Variants in PEX10 observed in about 807,000 individuals in gnomAD.
PEX10 encodes peroxisomal biogenesis factor 10, also known as peroxisome biogenesis factor 10.
A neutral mutation model predicts 38.0 loss-of-function variants in PEX10; 32 were observed. The ratio of observed to expected loss-of-function variants is 0.84; its 90% CI spans 0.63 to 1.13. The LOEUF is 1.13. PEX10 is among the 50% of genes most tolerant of loss of function. The pLI is 0.00. For missense variants in PEX10, 483 were observed against 457.7 expected (o/e 1.06, Z -0.51); for synonymous variants, 206 against 207.3 (o/e 0.99, Z 0.05).
Position 2,406,835 on chromosome 1 carries a change from C to G in PEX10, c.661G>C (p.Gly221Arg). The change falls in exon 4 of 6, where the codon GGG (glycine) becomes CGG (arginine). Residue 221 changes from glycine to arginine, a missense_variant. Coordinates refer to ENST00000447513, the MANE Select transcript of PEX10 (RefSeq NM_002617.4). ...ACCAGGTGCAGCAGTGAGATGACCC[C>G]CAGCAGCCTGTAGCTAACACGGGCC... is the stretch of plus-strand genomic sequence containing the variant. ...LRARVSYRLL[G>R]VISLLHLVLS... is the part of the protein sequence containing the mutation. The G allele has an allele frequency of 6.2e-7, 1 of 1,610,896 alleles. No individual in the cohort carries two copies. Among genetic ancestry groups the G allele is most frequent in the Non-Finnish European group, 8.5e-7 (1 of 1,178,958 alleles).
Position 2,405,677 on chromosome 1 carries a change from C to G in PEX10, c.*89G>C, listed in dbSNP as rs1008513977. On this transcript the variant is annotated 3_prime_UTR_variant, in exon 6 of 6. Transcript: ENST00000447513. The stretch of plus-strand genomic sequence containing the variant: ...CAAAAAACTGAGAGTGTTCTAACTT[C>G]TGTGCAAGCAAGGTTAATCCTGAGA... The G allele has an allele frequency of 8.5e-7, 1 of 1,173,838 alleles. No homozygotes were observed. The highest frequency in any genetic ancestry group is 1.2e-6 in the Non-Finnish European group (1 of 805,850). The allele number at this position is 1,173,838 out of a possible 1,614,324, so 72.7% of individuals were successfully genotyped here.
chr1:2,412,489 GC>G lies in PEX10; in HGVS notation c.13del (p.Ala5ProfsTer7), dbSNP rs988921821. On this transcript the variant is annotated frameshift_variant, in exon 1 of 6. Coordinates refer to ENST00000447513, the MANE Select transcript of PEX10 (RefSeq NM_002617.4). LOFTEE classifies it high-confidence loss of function. MAPA[A>X]ASPPEVIRAA... Reference sequence around the variant, plus strand: ...GCGGATCACCTCCGGGGGGCTGGCGGCGGCCGGGGCCATGGCCGCGGGTTCG... The same window carrying G: ...GCGGATCACCTCCGGGGGGCTGGCGGGGCCGGGGCCATGGCCGCGGGTTCG... The G allele has an allele frequency of 3.6e-6, 5 of 1,375,086 alleles. No individual in the cohort carries two copies. The highest frequency in any genetic ancestry group is 3.3e-5 in the Admixed American group (1 of 30,342). 85.2% of individuals were successfully genotyped at this position (1,375,086 alleles called of 1,614,324 possible).
intron 1 of PEX10, among the ~76,000 whole-genome samples, chr1:2,411,209 C>A (rs569825475): frequency 2.0e-5 from 3 of 150,214 alleles, no homozygotes; most frequent in East Asian, 2.0e-4. Flanking sequence ...GCCCCACCCC[C>A]CAAAGACTTG....
At position 2,410,098 on chromosome 1, in the gene PEX10, A is replaced by G. The variant is rs1037782674; in HGVS notation, c.193+273T>C. ...AGCACTGTGACTCACTGGTGCCACC[A>G]GGGCTGGCCACTGAGAAATGGGTCT... On this transcript the variant is annotated intron_variant, in intron 2 of 5. Coordinates refer to ENST00000447513, the MANE Select transcript of PEX10 (RefSeq NM_002617.4). The surrounding 1 kb of genome is among the most constrained non-coding windows in gnomAD (Gnocchi z 5.1). The G allele has an allele frequency of 2.6e-5, 12 of 454,950 alleles. No homozygotes were observed. Among genetic ancestry groups the G allele is most frequent in the Non-Finnish European group, 4.5e-5 (11 of 244,178 alleles). 28.2% of individuals were successfully genotyped at this position (454,950 alleles called of 1,614,324 possible).
intron 5 of PEX10, 49 bp from the exon 6 acceptor site, chr1:2,405,883 G>A: frequency 2.8e-6 from 4 of 1,414,758 alleles, no homozygotes; most frequent in Non-Finnish European, 3.9e-6. Context: ...ACTGGGCCAT[G>A]CCCATCCCCA....
At chr1:2,412,615 A>C, upstream of PEX10, 2 of 867,028 alleles carry the variant, frequency 2.3e-6, no homozygotes, top group African/African-American at 3.7e-5. Context: ...CCTCTGCGTC[A>C]AGGTGCTGGG....
intron 2 of PEX10, 34 bp from the exon 3 acceptor site, chr1:2,408,892 G>T (rs1306001466): frequency 1.2e-6 from 2 of 1,608,872 alleles, no homozygotes; most frequent in Non-Finnish European, 1.7e-6. Flanking sequence ...TGGACCCTGA[G>T]ACTGCTGCCG....
In PEX10 at chr1:2,410,791, A is replaced by C; in HGVS notation, c.113-340T>G. 1 of 479,086 alleles carries C rather than the reference A, an allele frequency of 2.1e-6. No homozygotes were observed. The highest frequency in any genetic ancestry group is 1.5e-5 in the South Asian group (1 of 64,778). The allele number at this position is 479,086 out of a possible 1,614,324, so 29.7% of individuals were successfully genotyped here. A position where few individuals can be genotyped will look rare whatever the true frequency, so the allele number is the denominator to read the frequency against. ...CCAGAGGCCAACTGTCTAGCATCAA[A>C]AAGCAGCTCTCCAACTTGCTGGCTG... On this transcript the variant is annotated intron_variant, in intron 1 of 5. Transcript: ENST00000447513. The surrounding 1 kb of genome is among the most constrained non-coding windows in gnomAD (Gnocchi z 5.1).
In PEX10 at chr1:2,410,390, A is replaced by G. The variant is rs1225738785; in HGVS notation, c.174T>C (p.Phe58=). The G allele has an allele frequency of 6.2e-7, 1 of 1,614,020 alleles. No individual in the cohort carries two copies. Among genetic ancestry groups the G allele is most frequent in the East Asian group, 2.2e-5 (1 of 44,876 alleles). ...EVELLSDVAY[F]GLTTLAGYQT... Reference sequence around the variant, plus strand: ...TTCTACCTGCAAGTGTGGTGAGGCCAAAGTAGGCCACATCTGAGAGCAGCT... The same window carrying G: ...TTCTACCTGCAAGTGTGGTGAGGCCGAAGTAGGCCACATCTGAGAGCAGCT... Residue 58 remains phenylalanine (F), a synonymous_variant, in exon 2 of 6, where the codon TTT becomes TTC. Transcript: ENST00000447513. The surrounding 1 kb of genome is among the most constrained non-coding windows in gnomAD (Gnocchi z 5.1).
At chr1:2,411,663 T>C (rs777156669) in intron 1 of PEX10, among the ~76,000 whole-genome samples, 2 of 152,054 alleles carry the variant, frequency 1.3e-5, no homozygotes, top group African/African-American at 4.8e-5. Context: ...CTCAGCCTCC[T>C]GAAGAGCTGG....
chr1:2,413,332 G>T (rs951243278), upstream of PEX10, among the ~76,000 whole-genome samples: 9 of 152,370 alleles, frequency 5.9e-5, no homozygotes, highest in East Asian at 1.7e-3. Flanking sequence ...AGCCCCGCAG[G>T]TGCTCTGGGG....
chr1:2,412,368 G>A (rs1643268844), intron 1 of PEX10, 23 bp downstream of exon 1: 1 of 1,356,906 alleles, frequency 7.4e-7, no homozygotes, highest in Non-Finnish European at 9.4e-7. Flanking sequence ...TCGCGAGGAC[G>A]TCCGGCCGCG....
At chr1:2,405,868 G>A (rs1395232529) in intron 5 of PEX10, 34 bp from the exon 6 acceptor site, 1 of 1,514,852 alleles carries the variant, frequency 6.6e-7, no homozygotes, top group South Asian at 1.2e-5. Context: ...ACAGCAGCTG[G>A]GGCCACTGGG....
In PEX10 at chr1:2,405,818, C is replaced by A; in HGVS notation, c.929G>T (p.Cys310Phe). Residue 310 changes from cysteine (C) to phenylalanine (F), a missense_variant, in exon 6 of 6, where the codon TGC (cysteine) becomes TTC (phenylalanine). By Grantham distance (205) the Cys-to-Phe change is radical. Coordinates refer to ENST00000447513, the MANE Select transcript of PEX10 (RefSeq NM_002617.4). ...CTTCTGGGGAGGGAACTTCTCCCGG[C>A]AGAGGGGACACTCCGCCTGCGGAGA... ...WCSSKAECPL[C>F]REKFPPQKLI... 1 of 1,598,810 alleles carries A rather than the reference C, an allele frequency of 6.3e-7. No homozygotes were observed. The highest frequency in any genetic ancestry group is 8.5e-7 in the Non-Finnish European group (1 of 1,173,204).
In PEX10 at chr1:2,406,814, G is replaced by C; in HGVS notation, c.682C>G (p.Leu228Val). ...AGCTGCAGCCCCATGGACAGCACCA[G>C]GTGCAGCAGTGAGATGACCCCCAGC... ...RLLGVISLLH[L>V]VLSMGLQLYG... Residue 228 changes from leucine to valine, a missense_variant, in exon 4 of 6, where the codon CTG becomes GTG. By Grantham distance (32) the Leu-to-Val change is conservative. Coordinates refer to ENST00000447513, the MANE Select transcript of PEX10 (RefSeq NM_002617.4). 1 of 1,611,016 alleles carries C rather than the reference G, an allele frequency of 6.2e-7. No homozygotes were observed. Among genetic ancestry groups the C allele is most frequent in the South Asian group, 1.1e-5 (1 of 90,612 alleles).
chr1:2,408,995 G>C (rs1020831648), intron 2 of PEX10, 137 bp from the exon 3 acceptor site: 1 of 859,840 alleles, frequency 1.2e-6, no homozygotes. Context: ...CTGTCACCCC[G>C]TGCTGGCTGA....
At position 2,409,954 on chromosome 1, in the gene PEX10, G is replaced by A. The variant is rs1643134734; in HGVS notation, c.193+417C>T. ...TTGCTACATGCTGAGCTGGGGTTGG[G>A]AGCCTGAGAGCTTCTGTCAACAACT... On this transcript the variant is annotated intron_variant, in intron 2 of 5. Transcript: ENST00000447513. The surrounding 1 kb of genome is among the most constrained non-coding windows in gnomAD (Gnocchi z 6.2). 2 of 256,226 alleles carry A rather than the reference G, an allele frequency of 7.8e-6. No homozygotes were observed. 15.9% of individuals were successfully genotyped at this position (256,226 alleles called of 1,614,324 possible).
chr1:2,406,762 G>T lies in PEX10; in HGVS notation c.734C>A (p.Ala245Asp), dbSNP rs375445295. ...GCGGTGCAGCCTCCACTCCTTCCTG[G>T]CTCGCTGCCGCTGCCTGAAACCGTA... ...QLYGFRQRQR[A>D]RKEWRLHRGL... Residue 245 changes from alanine (A) to aspartate (D), a missense_variant, in exon 4 of 6, where the codon GCC becomes GAC. Coordinates refer to ENST00000447513, the MANE Select transcript of PEX10 (RefSeq NM_002617.4). 5.0e-6 allele frequency: 8 copies of T among 1,608,962 alleles called. No individual in the cohort carries two copies. Among genetic ancestry groups the T allele is most frequent in the African/African-American group, 1.3e-5 (1 of 74,878 alleles).
chr1:2,405,990 C>T lies in PEX10; in HGVS notation c.913-156G>A, dbSNP rs555673697. On this transcript the variant is annotated intron_variant, in intron 5 of 5. Transcript: ENST00000447513. ...ATGACCAAGAAAGCCAGCCTTTTTT[C>T]AGAAGGCCGAGTCCCAGTGGGGGCT... 1.1e-4 allele frequency among the ~76,000 whole-genome samples: 16 copies of T among 152,310 alleles called. No individual in the cohort carries two copies. In the South Asian group the frequency reaches 3.1e-3, roughly 30 times the overall value.
Sources: allele counts gnomAD v4.1 joint callset (sites outside exome capture counted in the v4.1 genomes callset), GRCh38; gene constraint gnomAD v4.1.1; non-coding constraint Gnocchi (gnomAD v3.1); transcripts MANE v1.5; gene names NCBI Gene and HGNC (gene_info 2026-07-23, HGNC 2026-07-21).